The following LINGO2 variants were observed in gnomAD, a reference collection of about 807,000 sequenced individuals.
LINGO2 encodes leucine rich repeat and Ig domain containing 2, also known as leucine-rich repeat and immunoglobulin-like domain-containing nogo receptor-interacting protein 2.
LINGO2 carries 14 observed loss-of-function variants against 30.6 expected under a neutral mutation model. That is an observed-to-expected ratio of 0.46 (90% CI 0.30 to 0.72). The LOEUF (loss-of-function observed/expected upper bound fraction) is 0.72, where lower values mean the gene tolerates loss of function less well. LINGO2 is among the 30% of genes least tolerant of loss of function. The pLI is 0.07. For missense variants in LINGO2, 729 were observed against 751.7 expected (o/e 0.97, Z 0.35); for synonymous variants, 317 against 288.5 (o/e 1.10, Z -1.00).
At chr9:29,073,951 A>G in the LINGO2 span, among the ~76,000 whole-genome samples, 2 of 152,212 alleles carry the variant, frequency 1.3e-5, no homozygotes. Context: ...TAACTATGAA[A>G]GCTACCATTC....
the LINGO2 span, among the ~76,000 whole-genome samples, chr9:28,707,569 A>G: frequency 6.6e-6 from 1 of 152,130 alleles, no homozygotes; most frequent in Non-Finnish European, 1.5e-5. Context: ...AGCTACAGTG[A>G]AAACTGATTC....
the LINGO2 span, among the ~76,000 whole-genome samples, chr9:29,014,679 A>G: frequency 1.3e-5 from 2 of 152,306 alleles, no homozygotes; most frequent in East Asian, 3.9e-4. Flanking sequence ...TTACACAACT[A>G]CACTTAGATA....
chr9:28,351,736 G>A (rs369468880), intron 3 of LINGO2, among the ~76,000 whole-genome samples: 9 of 152,052 alleles, frequency 5.9e-5, no homozygotes, highest in East Asian at 1.9e-4. Context: ...ATGAACATTG[G>A]TGCAAAAATC....
the LINGO2 span, chr9:27,937,838 T>C: frequency 6.6e-6 from 1 of 152,062 alleles, no homozygotes; most frequent in African/African-American, 2.4e-5. Flanking sequence ...AGAAAATAAT[T>C]ACAATAGTTG....
the LINGO2 span, among the ~76,000 whole-genome samples, chr9:28,892,886 C>A: frequency 1.3e-5 from 2 of 152,022 alleles, no homozygotes; most frequent in East Asian, 3.9e-4. Flanking sequence ...AAAAAGATTT[C>A]TGTTGAAGTA....
At chr9:28,461,936 G>A (rs138532593) in intron 2 of LINGO2, among the ~76,000 whole-genome samples, 64 of 152,172 alleles carry the variant, frequency 4.2e-4, no homozygotes, top group Non-Finnish European at 7.8e-4. Flanking sequence ...TTACAGATGA[G>A]GGAACATAGG....
chr9:28,270,418 A>G (rs1822900123), intron 4 of LINGO2, among the ~76,000 whole-genome samples: 1 of 152,046 alleles, frequency 6.6e-6, no homozygotes, highest in African/African-American at 2.4e-5. Flanking sequence ...CGGGGAAAGA[A>G]AGACACTAAA....
chr9:27,939,642 T>C, the LINGO2 span: 1 of 152,216 alleles, frequency 6.6e-6, no homozygotes, highest in Non-Finnish European at 1.5e-5. Flanking sequence ...GTGTGCAGGT[T>C]TGAAGAAGTG....
intron 4 of LINGO2, among the ~76,000 whole-genome samples, chr9:28,168,486 T>C (rs569983894): frequency 3.3e-5 from 5 of 152,226 alleles, no homozygotes; most frequent in South Asian, 2.1e-4. Context: ...ACCAACTTCA[T>C]GTGTTTGTTA....
chr9:28,460,704 C>T (rs1220425615), intron 2 of LINGO2, among the ~76,000 whole-genome samples: 1 of 152,084 alleles, frequency 6.6e-6, no homozygotes, highest in Admixed American at 6.6e-5. Context: ...TTTTACTCCT[C>T]CCTCTGGGAA....
At chr9:28,272,347 T>G (rs1002436956) in intron 4 of LINGO2, among the ~76,000 whole-genome samples, 1 of 151,898 alleles carries the variant, frequency 6.6e-6, no homozygotes, top group Non-Finnish European at 1.5e-5. Context: ...GCTGAACCTT[T>G]GTCTCACATG....
At chr9:29,073,543 C>G in the LINGO2 span, among the ~76,000 whole-genome samples, 1 of 152,146 alleles carries the variant, frequency 6.6e-6, no homozygotes, top group Non-Finnish European at 1.5e-5. Flanking sequence ...ACAAGAAACT[C>G]AAATTTAAGC....
chr9:28,528,662 C>T (rs977078715), intron 1 of LINGO2, among the ~76,000 whole-genome samples: 2 of 152,016 alleles, frequency 1.3e-5, no homozygotes, highest in African/African-American at 4.8e-5. Context: ...AATTGTATTA[C>T]AAATAACTCT....
chr9:29,021,579 C>T, the LINGO2 span, among the ~76,000 whole-genome samples: 1 of 151,912 alleles, frequency 6.6e-6, no homozygotes, highest in Non-Finnish European at 1.5e-5. Flanking sequence ...ATTGCTTGAA[C>T]CCAGAAGGCG....
At chr9:28,958,114 C>T in the LINGO2 span, among the ~76,000 whole-genome samples, 1 of 152,212 alleles carries the variant, frequency 6.6e-6, no homozygotes, top group East Asian at 1.9e-4. Context: ...TTATTCAGTG[C>T]AATCGTAGTA....
chr9:28,619,440 T>C (rs1826291466), intron 1 of LINGO2, among the ~76,000 whole-genome samples: 1 of 152,148 alleles, frequency 6.6e-6, no homozygotes, highest in African/African-American at 2.4e-5. Flanking sequence ...ATGCTGAGCC[T>C]CAATTTTCTT....
intron 2 of LINGO2, among the ~76,000 whole-genome samples, chr9:28,422,277 T>C (rs1714669553): frequency 6.6e-6 from 1 of 151,852 alleles, no homozygotes; most frequent in Admixed American, 6.6e-5. Flanking sequence ...TAAAAAGAGG[T>C]TAATATCCAG....
chr9:28,311,735 C>T (rs1353568304), intron 3 of LINGO2, among the ~76,000 whole-genome samples: 1 of 152,160 alleles, frequency 6.6e-6, no homozygotes, highest in African/African-American at 2.4e-5. Flanking sequence ...TGTTCAAACA[C>T]ACATGCTCTA....
chr9:28,663,498 G>C (rs1828667798), intron 1 of LINGO2, among the ~76,000 whole-genome samples: 1 of 152,046 alleles, frequency 6.6e-6, no homozygotes, highest in African/African-American at 2.4e-5. Context: ...TAGATATCCT[G>C]CATGCCCTGT....
Sources: allele counts gnomAD v4.1 joint callset (sites outside exome capture counted in the v4.1 genomes callset), GRCh38; gene constraint gnomAD v4.1.1; transcripts MANE v1.5; gene names NCBI Gene and HGNC (gene_info 2026-07-23, HGNC 2026-07-21).